PRR12: variants seen among roughly 807,000 people sequenced by gnomAD.
PRR12 encodes the protein proline rich 12, also known as proline-rich protein 12.
PRR12 carries 12 observed loss-of-function variants against 138.0 expected under a neutral mutation model. That is an observed-to-expected ratio of 0.09 (90% CI 0.06 to 0.14). The LOEUF (loss-of-function observed/expected upper bound fraction) is 0.14. Ranked by LOEUF, PRR12 falls within the 10% of genes least tolerant of loss-of-function variation. PRR12 has a pLI of 1.00. For synonymous variants in PRR12, 1,567 were observed against 1,291.7 expected (o/e 1.21, Z -4.57); for missense variants, 2,692 against 2,861.3 (o/e 0.94, Z 1.35).
intron 9 of PRR12, among the ~76,000 whole-genome samples, chr19:49,619,535 CTTTT>C (rs760207958): frequency 3.0e-5 from 2 of 67,138 alleles, no homozygotes; most frequent in Non-Finnish European, 5.2e-5. Flanking sequence ...ATGCCCAGCC[CTTTT>C]TTTTTTTTTT....
chr19:49,592,188 GC>G (rs2080732729), intron 1 of PRR12, among the ~76,000 whole-genome samples: 1 of 152,206 alleles, frequency 6.6e-6, no homozygotes, highest in Non-Finnish European at 1.5e-5. Flanking sequence ...CCGGGACTGT[GC>G]GAGGCCGCGC....
At chr19:49,598,816 C>T (rs889436083) in intron 4 of PRR12, among the ~76,000 whole-genome samples, 4 of 152,114 alleles carry the variant, frequency 2.6e-5, no homozygotes, top group African/African-American at 9.7e-5. Flanking sequence ...GACCCTGTCT[C>T]AAGAGATAAA....
At position 49,594,564 on chromosome 19, in the gene PRR12, C is replaced by A; in HGVS notation, c.310C>A (p.Pro104Thr). Reference sequence around the variant, plus strand: ...GGAATCCCGGGGCCCCCAGCCTGGCCCCTCCGCCTCCTCTCTCCTCTCCCA... The same window carrying A: ...GGAATCCCGGGGCCCCCAGCCTGGCACCTCCGCCTCCTCTCTCCTCTCCCA... ...ALESRGPQPG[P>T]SASSLLSQFR... The change falls in exon 3 of 14, where the codon CCC becomes ACC. Residue 104 changes from proline (P) to threonine (T), a missense_variant. Around this residue, in one of 11 missense-constraint regions of PRR12, gnomAD observed 211 missense variants for 266.3 expected, o/e 0.79. Transcript: ENST00000418929. The surrounding 1 kb of genome is among the most constrained non-coding windows in gnomAD (Gnocchi z 5.6). 1 of 1,612,960 alleles carries A rather than the reference C, an allele frequency of 6.2e-7. No individual in the cohort carries two copies. Among genetic ancestry groups the A allele is most frequent in the South Asian group, 1.1e-5 (1 of 91,038 alleles).
At chr19:49,592,305 G>A (rs1006545319) in intron 1 of PRR12, among the ~76,000 whole-genome samples, 2 of 152,172 alleles carry the variant, frequency 1.3e-5, no homozygotes, top group Admixed American at 6.5e-5. Flanking sequence ...AGGCGTCTGG[G>A]ACACGCCCCC....
intron 6 of PRR12, among the ~76,000 whole-genome samples, chr19:49,607,565 G>A (rs1036155596): frequency 4.6e-5 from 7 of 151,820 alleles, no homozygotes; most frequent in African/African-American, 9.7e-5. Flanking sequence ...AAAATTAGCC[G>A]GATATAGTGG....
At chr19:49,622,674 G>A (rs1355948690) in intron 11 of PRR12, among the ~76,000 whole-genome samples, 8 of 149,192 alleles carry the variant, frequency 5.4e-5, no homozygotes, top group Admixed American at 1.3e-4. Flanking sequence ...GATGGATCAC[G>A]AGGTCAGGAG....
chr19:49,616,075 C>T lies in PRR12; in HGVS notation c.5353C>T (p.Arg1785Trp), dbSNP rs1314135729. Reference protein sequence around the residue: ...QPATSRLPKARPTKVKAEPPP... With the variant: ...QPATSRLPKAWPTKVKAEPPP... ...TGCCACATCCCGGCTGCCCAAAGCC[C>T]GGCCTACCAAGGTGAAGGCTGAACC... The change falls in exon 9 of 14, where the codon CGG becomes TGG. Residue 1785 changes from arginine to tryptophan, a missense_variant. Arg to Trp is a moderately radical substitution (Grantham distance 101). This residue lies in a region of PRR12 where 259 missense variants were observed against 265.1 expected (regional missense o/e 0.98). Coordinates refer to ENST00000418929, the MANE Select transcript of PRR12 (RefSeq NM_020719.3). The surrounding 1 kb of genome is among the most constrained non-coding windows in gnomAD (Gnocchi z 4.2). 19 of 1,567,038 alleles carry T rather than the reference C, an allele frequency of 1.2e-5. No individual in the cohort carries two copies. The highest frequency in any genetic ancestry group is 2.4e-5 in the East Asian group (1 of 41,944).
intron 6 of PRR12, among the ~76,000 whole-genome samples, chr19:49,605,515 G>T (rs1015880295): frequency 2.0e-5 from 3 of 152,212 alleles, no homozygotes; most frequent in African/African-American, 4.8e-5. Context: ...GCCTGCCTCA[G>T]CCTCCCAAAG....
At chr19:49,615,629 G>A in intron 8 of PRR12, 118 bp from the exon 9 acceptor site, 4 of 798,104 alleles carry the variant, frequency 5.0e-6, no homozygotes. Flanking sequence ...AGACCAGAGA[G>A]AGGAGGGGAC....
In PRR12 at chr19:49,595,302, A is replaced by G. The variant is rs1264824611; in HGVS notation, c.967A>G (p.Met323Val). The stretch of plus-strand genomic sequence containing the variant: ...GAGCTGTGGAGGCAGCTACCCCTCC[A>G]TGGGCCACCGGGCCAACCTGGCCTG... ...YLSCGGSYPS[M>V]GHRANLACSP... The change falls in exon 4 of 14, where the codon ATG (methionine) becomes GTG (valine). Residue 323 changes from methionine (M) to valine (V), a missense_variant. This residue lies in a region of PRR12 where 523 missense variants were observed against 496.4 expected (regional missense o/e 1.05). Coordinates refer to ENST00000418929, the MANE Select transcript of PRR12 (RefSeq NM_020719.3). 8.4e-6 allele frequency: 13 copies of G among 1,544,886 alleles called. No homozygotes were observed. The highest frequency in any genetic ancestry group is 2.4e-5 in the South Asian group (2 of 83,838).
chr19:49,622,403 T>TA (rs1480152631), intron 11 of PRR12, among the ~76,000 whole-genome samples: 2 of 150,678 alleles, frequency 1.3e-5, no homozygotes, highest in Admixed American at 1.3e-4. Context: ...TCTCTCAAAA[T>TA]AAAAAAAAGT....
chr19:49,601,614 C>T lies in PRR12; in HGVS notation c.4469C>T (p.Ala1490Val). The change falls in exon 6 of 14, where the codon GCC becomes GTC. Residue 1490 changes from alanine to valine, a missense_variant. By Grantham distance (64) the Ala-to-Val change is moderately conservative. Transcript: ENST00000418929. ...CTGCCCTCGCCACCCCCGCTGGTGG[C>T]CCCCACGCCCAGCTCACCACCGCCA... ...PALPSPPPLV[A>V]PTPSSPPPPP... 6.5e-7 allele frequency: 1 copy of T among 1,542,076 alleles called. No homozygotes were observed. Among genetic ancestry groups the T allele is most frequent in the African/African-American group, 1.4e-5 (1 of 72,796 alleles).
rs780892447 is a variant in PRR12, at chr19:49,596,735, G to A, written c.2400G>A (p.Gln800=). The A allele has an allele frequency of 5.0e-6, 8 of 1,602,706 alleles. No individual in the cohort carries two copies. Among genetic ancestry groups the A allele is most frequent in the Non-Finnish European group, 6.8e-6 (8 of 1,178,134 alleles). ...LPLVLPPPPP[Q]LLPSVLSHAP... is the part of the protein sequence containing the mutation. ...TGGTGCTGCCTCCGCCTCCCCCCCA[G>A]CTGCTCCCCTCGGTCCTCAGCCATG... Residue 800 remains glutamine, a synonymous_variant, in exon 4 of 14, where the codon CAG becomes CAA. Transcript: ENST00000418929. The surrounding 1 kb of genome is among the most constrained non-coding windows in gnomAD (Gnocchi z 5.6).
At position 49,595,452 on chromosome 19, in the gene PRR12, G is replaced by A; in HGVS notation, c.1117G>A (p.Ala373Thr). Residue 373 changes from alanine (A) to threonine (T), a missense_variant, in exon 4 of 14, where the codon GCT (alanine) becomes ACT (threonine). By Grantham distance (58) the Ala-to-Thr change is moderately conservative. Coordinates refer to ENST00000418929, the MANE Select transcript of PRR12 (RefSeq NM_020719.3). ...TGPEAAGGGG[A>T]GGGGGGYRPI... ...CCCTGAGGCAGCAGGGGGCGGTGGG[G>A]CTGGGGGTGGTGGTGGAGGTTACCG... 2 of 1,548,650 alleles carry A rather than the reference G, an allele frequency of 1.3e-6. No individual in the cohort carries two copies. Among genetic ancestry groups the A allele is most frequent in the South Asian group, 2.4e-5 (2 of 83,994 alleles).
At chr19:49,592,808 C>G (rs183114119) in intron 1 of PRR12, among the ~76,000 whole-genome samples, 1 of 152,168 alleles carries the variant, frequency 6.6e-6, no homozygotes, top group African/African-American at 2.4e-5. Context: ...TCTCCACCCC[C>G]CAAACCGTTG....
chr19:49,613,581 G>A (rs2080877347), intron 6 of PRR12, among the ~76,000 whole-genome samples: 1 of 152,140 alleles, frequency 6.6e-6, no homozygotes. Context: ...TGGGGCAGGG[G>A]GAGCAGAGAT....
intron 6 of PRR12, among the ~76,000 whole-genome samples, chr19:49,604,792 C>T (rs1483414037): frequency 8.5e-5 from 13 of 152,116 alleles, no homozygotes; most frequent in Admixed American, 1.3e-4. Context: ...CTACTAGTAG[C>T]GTTTTACAGG....
chr19:49,597,617 G>C lies in PRR12; in HGVS notation c.3282G>C (p.Leu1094=). The change falls in exon 4 of 14, where the codon CTG becomes CTC. Residue 1094 remains leucine (L), a synonymous_variant. Coordinates refer to ENST00000418929, the MANE Select transcript of PRR12 (RefSeq NM_020719.3). This position sits in a 1 kb window ranked among gnomAD's most constrained non-coding sequence, Gnocchi z 6.3. Reference sequence around the variant, plus strand: ...CACCCTTCCAGACCCCCAAGAAGCTGTACGCCCAGGAGTACGAGTTCGAGG... The same window carrying C: ...CACCCTTCCAGACCCCCAAGAAGCTCTACGCCCAGGAGTACGAGTTCGAGG... ...RDPPFQTPKK[L]YAQEYEFEAD... The C allele has an allele frequency of 6.2e-7, 1 of 1,610,030 alleles. No individual in the cohort carries two copies. The highest frequency in any genetic ancestry group is 8.5e-7 in the Non-Finnish European group (1 of 1,178,904).
rs2080777196 is a variant in PRR12 at position 49,597,123 on chromosome 19, A to G, written c.2788A>G (p.Thr930Ala). 1 of 1,550,890 alleles carries G rather than the reference A, an allele frequency of 6.4e-7. No homozygotes were observed. The highest frequency in any genetic ancestry group is 8.7e-7 in the Non-Finnish European group (1 of 1,147,386). ...GTKAPRFVPL[T>A]SICFPDSLLQ... ...CAAGGCGCCGCGTTTCGTGCCGCTC[A>G]CCTCCATCTGCTTCCCTGACTCCTT... Residue 930 changes from threonine (T) to alanine (A), a missense_variant, in exon 4 of 14, where the codon ACC (threonine) becomes GCC (alanine). Around this residue, in one of 11 missense-constraint regions of PRR12, gnomAD observed 840 missense variants for 689.8 expected, o/e 1.22. Coordinates refer to ENST00000418929, the MANE Select transcript of PRR12 (RefSeq NM_020719.3). The surrounding 1 kb of genome is among the most constrained non-coding windows in gnomAD (Gnocchi z 6.3).
Sources: allele counts gnomAD v4.1 joint callset (sites outside exome capture counted in the v4.1 genomes callset), GRCh38; gene constraint gnomAD v4.1.1; regional missense constraint gnomAD v4.1.1; non-coding constraint Gnocchi (gnomAD v3.1); transcripts MANE v1.5; gene names NCBI Gene and HGNC (gene_info 2026-07-23, HGNC 2026-07-21).